Variants in DENND1A observed in about 807,000 individuals in gnomAD.
DENND1A encodes the protein DENN domain-containing protein 1A.
A neutral mutation model predicts 113.7 loss-of-function variants in DENND1A; 51 were observed. The observed-to-expected ratio is 0.45, with a 90% confidence interval of 0.36 to 0.57. DENND1A has a LOEUF of 0.57. Among genes scored for constraint, DENND1A ranks in the 20% least tolerant of loss-of-function variants. The probability of loss-of-function intolerance (pLI) is 0.00; values close to 1 mark genes in which losing one functional copy is unlikely to be tolerated. For missense variants in DENND1A, 1,258 were observed against 1,395.9 expected, an observed-to-expected ratio of 0.90 and a Z score of 1.57; for synonymous variants, 565 against 570.8, an observed-to-expected ratio of 0.99 and a Z score of 0.14.
chr9:123,853,355 T>C (rs1049612964), intron 2 of DENND1A, among the ~76,000 whole-genome samples: 1 of 151,806 alleles, frequency 6.6e-6, no homozygotes, highest in Non-Finnish European at 1.5e-5. Flanking sequence ...ACCCCTTAAA[T>C]TGAGGAGACT....
chr9:123,901,114 T>G (rs1344865710), intron 1 of DENND1A, among the ~76,000 whole-genome samples: 2 of 152,186 alleles, frequency 1.3e-5, no homozygotes, highest in African/African-American at 4.8e-5. Context: ...GGAGAGCAGC[T>G]GAAGGATTTT....
intron 17 of DENND1A, among the ~76,000 whole-genome samples, chr9:123,451,227 C>G (rs1028563705): frequency 6.6e-6 from 1 of 152,198 alleles, no homozygotes; most frequent in African/African-American, 2.4e-5. Context: ...GGCAGACACC[C>G]TGGCTTTGAT....
rs986152149 is a variant in DENND1A at position 123,613,175 on chromosome 9, G to A, written c.720-3694C>T. Among the ~76,000 whole-genome samples, 5 of 152,144 alleles carry A rather than the reference G, an allele frequency of 3.3e-5. No individual in the cohort carries two copies. The East Asian group carries it at 5.8e-4, about 18-fold the overall frequency. On this transcript the variant is annotated intron_variant, in intron 10 of 23. Coordinates refer to ENST00000394215, the MANE Select transcript of DENND1A (RefSeq NM_001352964.2). ...TTCAGGAGGGTTGCTCATCACTCTC[G>A]TCAGGAGGGTGCCTTTCCTTTCTAA...
chr9:123,513,567 C>T (rs2053629790), intron 13 of DENND1A, among the ~76,000 whole-genome samples: 1 of 152,224 alleles, frequency 6.6e-6, no homozygotes, highest in South Asian at 2.1e-4. Flanking sequence ...GCGGGAAGAG[C>T]CGCTGGGTGT....
At chr9:123,579,007 C>A (rs1252378577) in intron 12 of DENND1A, among the ~76,000 whole-genome samples, 1 of 152,022 alleles carries the variant, frequency 6.6e-6, no homozygotes, top group African/African-American at 2.4e-5. Context: ...TTTGGGACAA[C>A]CATTAACAGT....
At chr9:123,760,139 T>C (rs949803375) in intron 4 of DENND1A, among the ~76,000 whole-genome samples, 2 of 152,224 alleles carry the variant, frequency 1.3e-5, no homozygotes, top group African/African-American at 2.4e-5. Context: ...GTATTCAAAT[T>C]GGTAAAATAG....
intron 12 of DENND1A, among the ~76,000 whole-genome samples, chr9:123,559,969 G>A (rs2057644718): frequency 6.6e-6 from 1 of 151,560 alleles, no homozygotes; most frequent in Non-Finnish European, 1.5e-5. Flanking sequence ...ATTTCCCTTA[G>A]CACAGTGCTT....
At chr9:123,622,637 T>C (rs1372761680) in intron 10 of DENND1A, among the ~76,000 whole-genome samples, 1 of 152,212 alleles carries the variant, frequency 6.6e-6, no homozygotes, top group Admixed American at 6.5e-5. Flanking sequence ...CAGATGGCCT[T>C]GGATTTCAAG....
In DENND1A at chr9:123,676,738, A is replaced by C. The variant is rs1190144315; in HGVS notation, c.354T>G (p.Asp118Glu). 1 of 1,613,894 alleles carries C rather than the reference A, an allele frequency of 6.2e-7. No individual in the cohort carries two copies. Among genetic ancestry groups the C allele is most frequent in the African/African-American group, 1.3e-5 (1 of 74,922 alleles). The change falls in exon 6 of 24, where the codon GAT becomes GAG. Residue 118 changes from aspartate (D) to glutamate (E), a missense_variant. Asp to Glu is a conservative substitution (Grantham distance 45). Transcript: ENST00000394215. ...VFYKLLNILA[D>E]YTTKRQENQW... ...TAAATACCTGTCTTTTTGTCGTGTA[A>C]TCTGCCAGGATGTTAAGCAGCTTAT...
At chr9:123,491,254 A>G (rs983047488) in intron 13 of DENND1A, among the ~76,000 whole-genome samples, 1 of 152,198 alleles carries the variant, frequency 6.6e-6, no homozygotes, top group Non-Finnish European at 1.5e-5. Context: ...ACAGCCTGCA[A>G]AAGAGGCTAT....
intron 19 of DENND1A, among the ~76,000 whole-genome samples, chr9:123,417,870 G>T (rs944069004): frequency 6.7e-6 from 1 of 150,346 alleles, no homozygotes; most frequent in African/African-American, 2.4e-5. Context: ...ACACAGGAAG[G>T]TCTCTGCCAT....
chr9:123,840,575 T>C (rs1329446830), intron 2 of DENND1A, among the ~76,000 whole-genome samples: 1 of 152,202 alleles, frequency 6.6e-6, no homozygotes, highest in Non-Finnish European at 1.5e-5. Flanking sequence ...AGCTGACACA[T>C]GAAAGGTACT....
chr9:123,500,390 G>A (rs181669104), intron 13 of DENND1A, among the ~76,000 whole-genome samples: 16 of 152,316 alleles, frequency 1.1e-4, no homozygotes, highest in South Asian at 2.1e-4. Flanking sequence ...CAAGGGTACC[G>A]ATTTCAAGCT....
chr9:123,635,492 G>A (rs2138812698), intron 9 of DENND1A, among the ~76,000 whole-genome samples: 1 of 152,344 alleles, frequency 6.6e-6, no homozygotes, highest in Non-Finnish European at 1.5e-5. Context: ...TGTATACCCT[G>A]TGCCTTCCAC....
Position 123,703,487 on chromosome 9 carries a change from A to G in DENND1A, c.303-26698T>C, listed in dbSNP as rs566456413. ...CATGGTAACTACAAAGCAAAAAACT[A>G]TAATAGATACACTAAAAATAAAAAG... is the stretch of plus-strand genomic sequence containing the variant. On this transcript the variant is annotated intron_variant, in intron 5 of 23. Transcript: ENST00000394215. Among the ~76,000 whole-genome samples, 50 of 152,324 alleles carry G rather than the reference A, an allele frequency of 3.3e-4. No homozygotes were observed. In the South Asian group the frequency reaches 0.01, roughly 31 times the overall value.
chr9:123,861,661 G>A (rs1363448405), intron 2 of DENND1A, among the ~76,000 whole-genome samples: 1 of 152,074 alleles, frequency 6.6e-6, no homozygotes, highest in Non-Finnish European at 1.5e-5. Flanking sequence ...CAAAACAATA[G>A]AAGAAAAATC....
intron 13 of DENND1A, among the ~76,000 whole-genome samples, chr9:123,502,753 T>C (rs999451466): frequency 5.3e-5 from 8 of 152,240 alleles, no homozygotes; most frequent in African/African-American, 1.9e-4. Flanking sequence ...CAAGAAGCCA[T>C]TGCTAAAACC....
chr9:123,631,448 T>C (rs889533288), intron 9 of DENND1A, among the ~76,000 whole-genome samples: 20 of 152,232 alleles, frequency 1.3e-4, no homozygotes, highest in Admixed American at 1.3e-3. Context: ...ATGCAAAGAA[T>C]ACCCAGCCTT....
chr9:123,419,040 G>A (rs192341106), intron 19 of DENND1A, among the ~76,000 whole-genome samples: 1 of 152,372 alleles, frequency 6.6e-6, no homozygotes, highest in East Asian at 1.9e-4. Flanking sequence ...GGGACAGCAG[G>A]GCCACACAGA....
Sources: gnomAD v4.1 joint callset for allele counts (sites outside exome capture counted in the v4.1 genomes callset) on GRCh38, gnomAD v4.1.1 for gene constraint, MANE v1.5 for transcripts, NCBI Gene and HGNC (gene_info 2026-07-23, HGNC 2026-07-21) for gene names.